GMDS: variants seen among roughly 807,000 people sequenced by gnomAD.
GMDS encodes GDP-mannose 4,6-dehydratase.
Under a neutral mutation model 49.9 loss-of-function variants are expected in GMDS, and 20 were observed. The observed-to-expected ratio is 0.40, with a 90% CI of 0.28 to 0.58. GMDS has a LOEUF of 0.58. Among genes scored for constraint, GMDS ranks in the 20% least tolerant of loss-of-function variants. The pLI is 0.42. For missense variants in GMDS, 362 were observed against 481.4 expected, an observed-to-expected ratio of 0.75 and a Z score of 2.32; for synonymous variants, 177 against 178.6, an observed-to-expected ratio of 0.99 and a Z score of 0.07.
intron 7 of GMDS, among the ~76,000 whole-genome samples, chr6:1,745,142 C>T (rs1581539746): frequency 6.6e-6 from 1 of 152,354 alleles, no homozygotes; most frequent in East Asian, 1.9e-4. Flanking sequence ...ATGTGTTTGA[C>T]TCAAATTTCC....
rs928640582 is a variant in GMDS, at chr6:2,151,586, A to G, written c.103-26855T>C. Among the ~76,000 whole-genome samples the G allele has an allele frequency of 2.0e-5, 3 of 152,018 alleles. No homozygotes were observed. The South Asian group carries it at 6.2e-4, about 32-fold the overall frequency. ...TGTATAAAAGCTCTTAGTGTAACCT[A>G]TTACTCATAATCATCTTCAGTATTA... On this transcript the variant is annotated intron_variant, in intron 1 of 10. Transcript: ENST00000380815.
chr6:1,850,056 CAG>C (rs1162881241), intron 7 of GMDS, among the ~76,000 whole-genome samples: 26 of 152,150 alleles, frequency 1.7e-4, no homozygotes, highest in African/African-American at 6.0e-4. Context: ...CGTAAAATAT[CAG>C]AGACACCTTA....
intron 6 of GMDS, among the ~76,000 whole-genome samples, chr6:1,954,009 A>G (rs1763501312): frequency 6.6e-6 from 1 of 152,164 alleles, no homozygotes; most frequent in Non-Finnish European, 1.5e-5. Context: ...CTTTTTCCCT[A>G]GAGAGTCTAT....
chr6:1,674,550 C>T (rs1469226880), intron 9 of GMDS, among the ~76,000 whole-genome samples: 8 of 83,760 alleles, frequency 9.6e-5, no homozygotes, highest in Non-Finnish European at 1.6e-4. Flanking sequence ...CATCAACTCT[C>T]TCTCTCTCTC....
chr6:1,994,484 T>A (rs972503635), intron 4 of GMDS, among the ~76,000 whole-genome samples: 2 of 152,068 alleles, frequency 1.3e-5, no homozygotes, highest in East Asian at 3.9e-4. Context: ...TCAGCAAACA[T>A]TTATGAACCA....
At chr6:1,983,051 A>G (rs1382655982) in intron 4 of GMDS, among the ~76,000 whole-genome samples, 1 of 152,196 alleles carries the variant, frequency 6.6e-6, no homozygotes, top group Non-Finnish European at 1.5e-5. Flanking sequence ...ATGAAACAGA[A>G]TAGAGAACCC....
At chr6:1,781,616 T>G (rs866941543) in intron 7 of GMDS, among the ~76,000 whole-genome samples, 1 of 124,792 alleles carries the variant, frequency 8.0e-6, no homozygotes, top group African/African-American at 3.3e-5. Flanking sequence ...AAATCAAATG[T>G]GGTGATGGCT....
intron 9 of GMDS, among the ~76,000 whole-genome samples, chr6:1,659,870 AAAG>A (rs1359014119): frequency 6.6e-6 from 1 of 152,052 alleles, no homozygotes; most frequent in Non-Finnish European, 1.5e-5. Context: ...ATTAAAAAAA[AAAG>A]AAAGAGTAAC....
Position 1,668,837 on chromosome 6 carries a change from G to A in GMDS, c.988-44297C>T, listed in dbSNP as rs145723870. ...AGAAATAAACTTTCTTGAAATATGT[G>A]TAAAGATGTATAACTAGACAAAGCA... is the stretch of plus-strand genomic sequence containing the variant. On this transcript the variant is annotated intron_variant, in intron 9 of 10. Coordinates refer to ENST00000380815, the MANE Select transcript of GMDS (RefSeq NM_001500.4). Among the ~76,000 whole-genome samples, 33 of 152,336 alleles carry A rather than the reference G, an allele frequency of 2.2e-4. No homozygotes were observed. The East Asian group carries it at 6.4e-3, about 29-fold the overall frequency.
chr6:2,188,738 C>T (rs1778887146), intron 1 of GMDS, among the ~76,000 whole-genome samples: 1 of 152,106 alleles, frequency 6.6e-6, no homozygotes, highest in Non-Finnish European at 1.5e-5. Flanking sequence ...GCGAGGCAGG[C>T]GAGGGCACAT....
chr6:2,228,594 C>T (rs73420770), intron 1 of GMDS, among the ~76,000 whole-genome samples: 5,728 of 152,266 alleles, frequency 0.038, 382 homozygotes, highest in African/African-American at 0.13. Flanking sequence ...TGTGCTTTAA[C>T]AAATCCTTCC....
chr6:1,992,710 T>C (rs1371126399), intron 4 of GMDS, among the ~76,000 whole-genome samples: 15 of 152,228 alleles, frequency 9.9e-5, no homozygotes, highest in Non-Finnish European at 7.3e-5. Context: ...TATAACTTGC[T>C]GGCCTGTTGG....
At chr6:2,204,386 G>A (rs903937945) in intron 1 of GMDS, among the ~76,000 whole-genome samples, 3 of 152,066 alleles carry the variant, frequency 2.0e-5, no homozygotes, top group Non-Finnish European at 4.4e-5. Flanking sequence ...CATCCCTTAT[G>A]TGTAAAGGAT....
chr6:1,685,016 C>T (rs9378649), intron 9 of GMDS, among the ~76,000 whole-genome samples: 1 of 112,014 alleles, frequency 8.9e-6, no homozygotes, highest in East Asian at 2.1e-4. Flanking sequence ...TCTCTCCCCC[C>T]CCTTTTTTTT....
At chr6:1,779,601 C>T (rs915291332) in intron 7 of GMDS, among the ~76,000 whole-genome samples, 4 of 152,058 alleles carry the variant, frequency 2.6e-5, no homozygotes, top group African/African-American at 4.8e-5. Context: ...TGTGTGAAAA[C>T]GAATGTCCTC....
chr6:2,082,391 C>T (rs1772766036), intron 4 of GMDS, among the ~76,000 whole-genome samples: 1 of 152,212 alleles, frequency 6.6e-6, no homozygotes, highest in South Asian at 2.1e-4. Flanking sequence ...AGTGTCACTG[C>T]TGCTGGCCAG....
chr6:2,063,328 G>A (rs1293327262), intron 4 of GMDS, among the ~76,000 whole-genome samples: 5 of 152,108 alleles, frequency 3.3e-5, no homozygotes, highest in Non-Finnish European at 7.4e-5. Flanking sequence ...ATTTCTTAAG[G>A]AATTCATTTA....
chr6:2,183,415 C>T (rs170930), intron 1 of GMDS, among the ~76,000 whole-genome samples: 6,181 of 152,266 alleles, frequency 0.041, 253 homozygotes, highest in South Asian at 0.13. Context: ...CACAGAAGTG[C>T]AGCCTGAAGA....
At chr6:1,651,425 G>A (rs571297364) in intron 9 of GMDS, among the ~76,000 whole-genome samples, 2 of 152,362 alleles carry the variant, frequency 1.3e-5, no homozygotes, top group South Asian at 2.1e-4. Context: ...GGAGGTAGAT[G>A]TTCTCCTGGA....
Sources: allele counts gnomAD v4.1 joint callset (sites outside exome capture counted in the v4.1 genomes callset), GRCh38; gene constraint gnomAD v4.1.1; transcripts MANE v1.5; gene names NCBI Gene and HGNC (gene_info 2026-07-23, HGNC 2026-07-21).